Variants in TRPM3 observed in about 807,000 individuals in gnomAD.
TRPM3 encodes transient receptor potential cation channel subfamily M member 3, also known as long transient receptor potential channel 3.
TRPM3 carries 77 observed loss-of-function variants against 181.2 expected under a neutral mutation model. The observed-to-expected ratio is 0.42, with a 90% CI of 0.35 to 0.51. The LOEUF is 0.51. Ranked by LOEUF, TRPM3 falls within the 20% of genes least tolerant of loss-of-function variation. The probability of loss-of-function intolerance (pLI) is 0.01; values close to 1 mark genes in which losing one functional copy is unlikely to be tolerated. For missense variants in TRPM3, 1,759 were observed against 2,196.7 expected (o/e 0.80, Z 3.98); for synonymous variants, 745 against 796.4 (o/e 0.94, Z 1.09).
intron 1 of TRPM3, among the ~76,000 whole-genome samples, chr9:71,220,874 C>T (rs2080198452): frequency 6.6e-6 from 1 of 152,138 alleles, no homozygotes; most frequent in African/African-American, 2.4e-5. Flanking sequence ...CCTGGGCTCC[C>T]ACAGCACTCA....
chr9:70,996,508 G>A (rs908660099), intron 1 of TRPM3, among the ~76,000 whole-genome samples: 2 of 152,178 alleles, frequency 1.3e-5, no homozygotes, highest in African/African-American at 2.4e-5. Context: ...AGCAAGCTAG[G>A]ATGCTAAAAA....
chr9:71,312,803 T>A (rs1312708009), intron 1 of TRPM3, among the ~76,000 whole-genome samples: 1 of 152,128 alleles, frequency 6.6e-6, no homozygotes, highest in Non-Finnish European at 1.5e-5. Context: ...TGAAAAAGGC[T>A]ACATTATTAT....
chr9:71,250,797 G>A (rs1183311393), intron 1 of TRPM3, among the ~76,000 whole-genome samples: 2 of 152,162 alleles, frequency 1.3e-5, no homozygotes, highest in Admixed American at 6.5e-5. Context: ...AGATTCATTG[G>A]GGGAGGGGAG....
intron 5 of TRPM3, among the ~76,000 whole-genome samples, chr9:70,838,648 T>C (rs537544533): frequency 6.6e-6 from 1 of 152,182 alleles, no homozygotes; most frequent in African/African-American, 2.4e-5. Context: ...TGAGCTAAAT[T>C]TGATGAAGTG....
intron 1 of TRPM3, among the ~76,000 whole-genome samples, chr9:71,090,918 TG>T (rs1326326050): frequency 1.3e-5 from 2 of 152,152 alleles, no homozygotes; most frequent in Non-Finnish European, 2.9e-5. Context: ...TCATATGTAG[TG>T]ATTTTTAAGG....
intron 1 of TRPM3, among the ~76,000 whole-genome samples, chr9:71,190,846 A>G (rs1329511006): frequency 6.6e-6 from 1 of 151,788 alleles, no homozygotes; most frequent in African/African-American, 2.4e-5. Flanking sequence ...CTACGACTTA[A>G]AGAATGTGTT....
chr9:71,255,217 A>C (rs1306259351), intron 1 of TRPM3, among the ~76,000 whole-genome samples: 1 of 152,220 alleles, frequency 6.6e-6, no homozygotes, highest in Non-Finnish European at 1.5e-5. Context: ...TAGCTTCCAC[A>C]AATGTTGAAG....
At chr9:70,947,122 C>A (rs994277095) in intron 1 of TRPM3, among the ~76,000 whole-genome samples, 2 of 152,144 alleles carry the variant, frequency 1.3e-5, no homozygotes, top group Non-Finnish European at 2.9e-5. Flanking sequence ...ATACAGTCAG[C>A]TTTAGAATAA....
At chr9:71,038,575 C>T (rs1344636606) in intron 1 of TRPM3, among the ~76,000 whole-genome samples, 1 of 152,018 alleles carries the variant, frequency 6.6e-6, no homozygotes, top group African/African-American at 2.4e-5. Flanking sequence ...TATCATCTTC[C>T]CTTTCTTCTT....
intron 1 of TRPM3, among the ~76,000 whole-genome samples, chr9:71,267,877 C>A (rs1230507764): frequency 1.3e-5 from 2 of 152,030 alleles, no homozygotes; most frequent in Non-Finnish European, 2.9e-5. Context: ...ATCTTCCTGG[C>A]TACTGTTACC....
intron 10 of TRPM3, 118 bp downstream of exon 10, chr9:70,640,442 A>T (rs1380690086): frequency 5.6e-6 from 4 of 720,506 alleles, no homozygotes; most frequent in Non-Finnish European, 9.3e-6. Flanking sequence ...GCTACCAAGG[A>T]ACACATTCCA....
At chr9:71,216,215 T>C (rs545000876) in intron 1 of TRPM3, among the ~76,000 whole-genome samples, 1 of 151,442 alleles carries the variant, frequency 6.6e-6, no homozygotes, top group South Asian at 2.1e-4. Context: ...AACAATTACA[T>C]TGTAAATAGG....
intron 1 of TRPM3, among the ~76,000 whole-genome samples, chr9:70,874,331 A>G (rs1418594082): frequency 6.6e-6 from 1 of 152,014 alleles, no homozygotes; most frequent in Non-Finnish European, 1.5e-5. Flanking sequence ...GCTATGGCAT[A>G]TAGAATTTCA....
At chr9:71,104,024 C>T (rs2068950666) in intron 1 of TRPM3, among the ~76,000 whole-genome samples, 1 of 152,054 alleles carries the variant, frequency 6.6e-6, no homozygotes, top group African/African-American at 2.4e-5. Flanking sequence ...AAGCGATTCT[C>T]CTGCCTCAGC....
chr9:70,851,592 T>C (rs946026557), intron 3 of TRPM3, among the ~76,000 whole-genome samples: 4 of 152,190 alleles, frequency 2.6e-5, no homozygotes, highest in African/African-American at 7.2e-5. Context: ...ACTGAATATG[T>C]TGAAATTCCT....
chr9:71,069,090 A>AAAACATATAG (rs1228313356), intron 1 of TRPM3, among the ~76,000 whole-genome samples: 2 of 152,230 alleles, frequency 1.3e-5, no homozygotes, highest in Non-Finnish European at 2.9e-5. Flanking sequence ...ATACTGCAGA[A>AAAACATATAG]AAACATATAG....
At chr9:71,138,402 A>G (rs2074899003) in intron 1 of TRPM3, among the ~76,000 whole-genome samples, 1 of 152,222 alleles carries the variant, frequency 6.6e-6, no homozygotes, top group African/African-American at 2.4e-5. Flanking sequence ...AACTCAGGAC[A>G]CAGAGAAAAA....
At chr9:71,099,183 C>A (rs2067852951) in intron 1 of TRPM3, among the ~76,000 whole-genome samples, 1 of 152,084 alleles carries the variant, frequency 6.6e-6, no homozygotes, top group South Asian at 2.1e-4. Flanking sequence ...TGGTGATGGT[C>A]CACTTTCTGG....
intron 22 of TRPM3, among the ~76,000 whole-genome samples, chr9:70,559,580 C>T (rs79700181): frequency 6.6e-6 from 1 of 152,182 alleles, no homozygotes; most frequent in Non-Finnish European, 1.5e-5. Context: ...GCCAATTAAT[C>T]TTGATGTTTT....
Sources: gnomAD v4.1 joint callset for allele counts (sites outside exome capture counted in the v4.1 genomes callset) on GRCh38, gnomAD v4.1.1 for gene constraint, MANE v1.5 for transcripts, NCBI Gene and HGNC (gene_info 2026-07-23, HGNC 2026-07-21) for gene names.